Variants in RECK observed in about 807,000 individuals in gnomAD.
RECK encodes reversion-inducing cysteine-rich protein with Kazal motifs.
A neutral mutation model predicts 115.1 loss-of-function variants in RECK; 69 were observed. The ratio of observed to expected loss-of-function variants is 0.60; its 90% confidence interval spans 0.49 to 0.73. The LOEUF (loss-of-function observed/expected upper bound fraction) is 0.73. Ranked by LOEUF, RECK falls within the 30% of genes least tolerant of loss-of-function variation. The pLI, the probability that RECK is intolerant of heterozygous loss-of-function variation, is 0.00. For missense variants in RECK, 1,047 were observed against 1,203.7 expected (o/e 0.87, Z 1.93); for synonymous variants, 414 against 419.7 (o/e 0.99, Z 0.17).
intron 11 of RECK, 117 bp downstream of exon 11, chr9:36,100,660 T>A (rs533692711): frequency 1.4e-6 from 1 of 713,050 alleles, no homozygotes; most frequent in South Asian, 1.9e-5. Context: ...ATCACCCCCG[T>A]ATGTCAAATG....
In RECK at chr9:36,107,071, A is replaced by T. The variant is rs190801977; in HGVS notation, c.1577-905A>T. Among the ~76,000 whole-genome samples, 562 of 140,164 alleles carry T rather than the reference A, an allele frequency of 4.0e-3. 3 individuals carry two copies. Among genetic ancestry groups the T allele is most frequent in the African/African-American group, 0.015 (541 of 36,622 alleles). 92.0% of individuals were successfully genotyped at this position (140,164 alleles called of 152,430 possible). A position where few individuals can be genotyped will look rare whatever the true frequency, so the allele number is the denominator to read the frequency against. On this transcript the variant is annotated intron_variant, in intron 13 of 20. Coordinates refer to ENST00000377966, the MANE Select transcript of RECK (RefSeq NM_021111.3). ...CAGTGAGCCGAGATCGTGCCACTGC[A>T]CTCCAGCCTGGGCGACAGAGCGAGA...
intron 1 of RECK, among the ~76,000 whole-genome samples, chr9:36,044,483 A>G (rs1820999915): frequency 1.3e-5 from 2 of 151,918 alleles, no homozygotes; most frequent in African/African-American, 4.8e-5. Flanking sequence ...TCTCTTGTCT[A>G]TTTGCTCTGG....
chr9:36,058,806 T>TTC (rs150902264), intron 2 of RECK, 21 bp from the exon 3 acceptor site: 250 of 529,146 alleles, frequency 4.7e-4, no homozygotes, highest in Non-Finnish European at 6.3e-4. Flanking sequence ...CCACAAAAAC[T>TTC]TTTTTTTTTT....
chr9:36,048,126 AATATATAT>A (rs56726335), intron 1 of RECK, among the ~76,000 whole-genome samples: 1,677 of 115,366 alleles, frequency 0.015, 152 homozygotes, highest in African/African-American at 0.067. Flanking sequence ...ACACAGGTTG[AATATATAT>A]ATATATATAT....
intron 1 of RECK, 30 bp downstream of exon 1, chr9:36,037,128 G>A: frequency 8.0e-7 from 1 of 1,250,886 alleles, no homozygotes; most frequent in Non-Finnish European, 1.0e-6. Flanking sequence ...ACGGTTCGAA[G>A]CTGTCGGGAG....
chr9:36,105,004 T>G, intron 12 of RECK, 139 bp from the exon 13 acceptor site: 1 of 601,766 alleles, frequency 1.7e-6, no homozygotes. Flanking sequence ...AATCTCGGTG[T>G]TTTAATAGCT....
chr9:36,095,758 G>T (rs1044843531), intron 10 of RECK, among the ~76,000 whole-genome samples: 1 of 151,608 alleles, frequency 6.6e-6, no homozygotes, highest in Non-Finnish European at 1.5e-5. Context: ...GCAACATGGT[G>T]AAACACCATC....
At chr9:36,047,577 C>T (rs1821112536) in intron 1 of RECK, among the ~76,000 whole-genome samples, 1 of 152,064 alleles carries the variant, frequency 6.6e-6, no homozygotes, top group Non-Finnish European at 1.5e-5. Flanking sequence ...TCCACTCCAG[C>T]CTGGGTGACA....
At chr9:36,104,415 G>A (rs1422330221) in intron 12 of RECK, among the ~76,000 whole-genome samples, 4 of 130,060 alleles carry the variant, frequency 3.1e-5, no homozygotes, top group Admixed American at 8.5e-5. Context: ...GTGCAATCTC[G>A]GCTCATTGCA....
chr9:36,092,898 A>G (rs952105361), intron 10 of RECK, among the ~76,000 whole-genome samples: 3 of 152,144 alleles, frequency 2.0e-5, no homozygotes, highest in African/African-American at 7.2e-5. Flanking sequence ...GGAGGGAACC[A>G]CAAAAAGAAA....
chr9:36,079,413 G>GCAGAAAGAATTCATA (rs1822590499), intron 6 of RECK, among the ~76,000 whole-genome samples: 1 of 152,162 alleles, frequency 6.6e-6, no homozygotes, highest in Admixed American at 6.5e-5. Context: ...GGAGTCTCTA[G>GCAGAAAGAATTCATA]CAGAAAGAAT....
intron 19 of RECK, 58 bp downstream of exon 19, chr9:36,120,794 C>A: frequency 8.8e-7 from 1 of 1,138,498 alleles, no homozygotes; most frequent in Non-Finnish European, 1.3e-6. Flanking sequence ...TCTCAGTAAT[C>A]CTAGAGAGTA....
At chr9:36,040,620 T>C (rs1820833142) in intron 1 of RECK, among the ~76,000 whole-genome samples, 1 of 151,984 alleles carries the variant, frequency 6.6e-6, no homozygotes, top group Non-Finnish European at 1.5e-5. Context: ...TGCTGCTGAA[T>C]GAAAAAAATT....
At chr9:36,060,267 C>A in intron 4 of RECK, 112 bp downstream of exon 4, 1 of 1,079,640 alleles carries the variant, frequency 9.3e-7, no homozygotes, top group Non-Finnish European at 1.4e-6. Context: ...TTTCTATCCT[C>A]TCCTTCCCTT....
At chr9:36,106,425 G>A (rs1323845444) in intron 13 of RECK, among the ~76,000 whole-genome samples, 2 of 151,424 alleles carry the variant, frequency 1.3e-5, no homozygotes, top group Non-Finnish European at 2.9e-5. Context: ...AGTAGAGACA[G>A]CAGGGTTTCA....
At chr9:36,038,513 A>G (rs1309381689) in intron 1 of RECK, among the ~76,000 whole-genome samples, 2 of 152,172 alleles carry the variant, frequency 1.3e-5, no homozygotes, top group East Asian at 1.9e-4. Context: ...TCCTCCCACA[A>G]CCAGTCAGTT....
intron 2 of RECK, among the ~76,000 whole-genome samples, chr9:36,054,490 C>A (rs1393815943): frequency 7.5e-6 from 1 of 134,188 alleles, no homozygotes; most frequent in African/African-American, 2.8e-5. Flanking sequence ...TGAGAAAAGG[C>A]CCTTAGTTTA....
At chr9:36,092,695 G>A (rs1023302634) in intron 10 of RECK, among the ~76,000 whole-genome samples, 53 of 151,640 alleles carry the variant, frequency 3.5e-4, no homozygotes, top group African/African-American at 1.2e-3. Flanking sequence ...AGTGGCCAAC[G>A]TCTCTTGAAA....
chr9:36,052,450 T>C, intron 2 of RECK, 127 bp downstream of exon 2: 1 of 595,606 alleles, frequency 1.7e-6, no homozygotes. Context: ...CAGGACAACA[T>C]AGCAAGACCC....
Sources: allele counts gnomAD v4.1 joint callset (sites outside exome capture counted in the v4.1 genomes callset), GRCh38; gene constraint gnomAD v4.1.1; transcripts MANE v1.5; gene names NCBI Gene and HGNC (gene_info 2026-07-23, HGNC 2026-07-21).